The following ARAP3 variants were observed in gnomAD, a reference collection of about 807,000 sequenced individuals.
The protein encoded by ARAP3 is arf-GAP with Rho-GAP domain, ANK repeat and PH domain-containing protein 3.
Under a neutral mutation model 169.2 loss-of-function variants are expected in ARAP3, and 82 were observed. The ratio of observed to expected loss-of-function variants is 0.48; its 90% CI spans 0.41 to 0.58. ARAP3 has a LOEUF of 0.58. ARAP3 is among the 20% of genes least tolerant of loss of function. The pLI, the probability that ARAP3 is intolerant of heterozygous loss-of-function variation, is 0.00. For missense variants in ARAP3, 1,764 were observed against 2,018.0 expected (o/e 0.87, Z 2.41); for synonymous variants, 791 against 800.3 (o/e 0.99, Z 0.20).
Position 141,673,761 on chromosome 5 carries a change from C to G in ARAP3, c.746G>C (p.Ser249Thr). The G allele has an allele frequency of 3.1e-6, 5 of 1,614,190 alleles. No individual in the cohort carries two copies. Among genetic ancestry groups the G allele is most frequent in the Non-Finnish European group, 4.2e-6 (5 of 1,180,028 alleles). ...GGTGGAGTCTCCAGGTAGCTCAAGG[C>G]TGGCATAGCCAGCATCCTCCCGTGC... ...LEAREDAGYA[S>T]LELPGDSTLL... The change falls in exon 5 of 33, where the codon AGC (serine) becomes ACC (threonine). Residue 249 changes from serine (S) to threonine (T), a missense_variant. Around this residue, in one of 3 missense-constraint regions of ARAP3, gnomAD observed 630 missense variants for 678.7 expected, o/e 0.93. Transcript: ENST00000239440.
Position 141,671,298 on chromosome 5 carries a change from G to C in ARAP3, c.1957C>G (p.Pro653Ala), listed in dbSNP as rs1312999167. 1 of 1,613,278 alleles carries C rather than the reference G, an allele frequency of 6.2e-7. No homozygotes were observed. The highest frequency in any genetic ancestry group is 8.5e-7 in the Non-Finnish European group (1 of 1,179,618). ...EGEEPWFPPA[P>A]DGSCPGLLPS... ...AAGAGGCCAGGGCAGCTGCCATCAG[G>C]GGCTGGGGGGAACCAGGGCTCCTCG... is the stretch of plus-strand genomic sequence containing the variant. The change falls in exon 13 of 33, where the codon CCT becomes GCT. Residue 653 changes from proline (P) to alanine (A), a missense_variant. This residue lies in a region of ARAP3 where 1,112 missense variants were observed against 1,285.7 expected (regional missense o/e 0.86). Coordinates refer to ENST00000239440, the MANE Select transcript of ARAP3 (RefSeq NM_022481.6). The surrounding 1 kb of genome is among the most constrained non-coding windows in gnomAD (Gnocchi z 4.9).
intron 4 of ARAP3, 148 bp from the exon 5 acceptor site, chr5:141,673,956 C>CTTA: frequency 1.8e-6 from 1 of 541,046 alleles, no homozygotes; most frequent in Non-Finnish European, 3.0e-6. Context: ...CTTTTCTTTT[C>CTTA]TTCTTTTTTT....
intron 21 of ARAP3, 73 bp from the exon 22 acceptor site, chr5:141,659,999 T>G: frequency 6.7e-7 from 1 of 1,490,334 alleles, no homozygotes; most frequent in Non-Finnish European, 9.0e-7. Context: ...CCCTATTGTA[T>G]GCCTGGGCTA....
Position 141,654,366 on chromosome 5 carries a change from C to T in ARAP3, c.4219G>A (p.Val1407Met). ...ELEEPVYEEP[V>M]YEEVGAFPEL... The stretch of plus-strand genomic sequence containing the variant: ...GGGAAGGCCCCTACTTCCTCATACA[C>T]TGGCTCCTCGTACACAGGCTCCTCC... Residue 1407 changes from valine to methionine, a missense_variant, in exon 33 of 33, where the codon GTG (valine) becomes ATG (methionine). Val to Met is a conservative substitution (Grantham distance 21). This residue lies in a region of ARAP3 where 1,112 missense variants were observed against 1,285.7 expected (regional missense o/e 0.86). Transcript: ENST00000239440. 1 of 1,613,772 alleles carries T rather than the reference C, an allele frequency of 6.2e-7. No individual in the cohort carries two copies. Among genetic ancestry groups the T allele is most frequent in the Non-Finnish European group, 8.5e-7 (1 of 1,179,818 alleles).
At position 141,656,552 on chromosome 5, in the gene ARAP3, C is replaced by A. The variant is rs1489092222; in HGVS notation, c.3741G>T (p.Arg1247Ser). The A allele has an allele frequency of 1.9e-6, 3 of 1,612,900 alleles. No homozygotes were observed. Among genetic ancestry groups the A allele is most frequent in the Non-Finnish European group, 2.5e-6 (3 of 1,179,494 alleles). Residue 1247 changes from arginine (R) to serine (S), a missense_variant, in exon 27 of 33, where the codon AGG becomes AGT. By Grantham distance (110) the Arg-to-Ser change is moderately radical. Coordinates refer to ENST00000239440, the MANE Select transcript of ARAP3 (RefSeq NM_022481.6). ...PRLLGSRFQE[R>S]FFLLRGRCLL... The stretch of plus-strand genomic sequence containing the variant: ...GGCAGCGGCCACGCAGCAGAAAGAA[C>A]CTCTCCTGGAAGCGGCTTCCCAGCA...
chr5:141,655,251 CACACACA>C, intron 32 of ARAP3, 104 bp downstream of exon 32: 46 of 1,173,912 alleles, frequency 3.9e-5, no homozygotes, highest in Non-Finnish European at 4.4e-5. Context: ...CACACACACA[CACACACA>C]CCCCCTGATG....
rs1007946274 is a variant in ARAP3 at position 141,669,784 on chromosome 5, G to A, written c.2277C>T (p.Leu759=). 5.6e-6 allele frequency: 9 copies of A among 1,614,132 alleles called. No individual in the cohort carries two copies. Among genetic ancestry groups the A allele is most frequent in the Admixed American group, 5.0e-5 (3 of 60,028 alleles). The change falls in exon 16 of 33, where the codon CTC becomes CTT. Residue 759 remains leucine, a synonymous_variant. Coordinates refer to ENST00000239440, the MANE Select transcript of ARAP3 (RefSeq NM_022481.6). The stretch of plus-strand genomic sequence containing the variant: ...CAAAATGCTGGATCCTCCCCCCAGC[G>A]AGGATGAGCTCAAAGGAAAAGGGGA... ...DRFPFSFELI[L]AGGRIQHFGT... is the part of the protein sequence containing the mutation.
Position 141,656,842 on chromosome 5 carries a change from C to G in ARAP3, c.3531G>C (p.Arg1177=). The change falls in exon 26 of 33, where the codon CGG becomes CGC. Residue 1177 remains arginine (R), a synonymous_variant. Transcript: ENST00000239440. ...FEIREHGELE[R]PLHPKEKVLE... The stretch of plus-strand genomic sequence containing the variant: ...AGACCTTTTCCTTGGGATGCAGTGG[C>G]CGCTCTTAAGGGGAAAGGTGAGGGT... The G allele has an allele frequency of 6.2e-7, 1 of 1,612,922 alleles. No individual in the cohort carries two copies. Among genetic ancestry groups the G allele is most frequent in the Non-Finnish European group, 8.5e-7 (1 of 1,179,472 alleles).
rs1172784299 is a variant in ARAP3, at chr5:141,672,603, C to T, written c.1334G>A (p.Arg445Gln). 7 of 1,613,938 alleles carry T rather than the reference C, an allele frequency of 4.3e-6. No homozygotes were observed. Among genetic ancestry groups the T allele is most frequent in the East Asian group, 4.5e-5 (2 of 44,862 alleles). The change falls in exon 9 of 33, where the codon CGG becomes CAG. Residue 445 changes from arginine to glutamine, a missense_variant. This residue lies in a region of ARAP3 where 630 missense variants were observed against 678.7 expected (regional missense o/e 0.93). Transcript: ENST00000239440. The surrounding 1 kb of genome is among the most constrained non-coding windows in gnomAD (Gnocchi z 4.9). ...GTCAAAGCTTCGACTCTTGGTCTCCCGGACGCTGCAGCCCTGCAGTTCGAT... is the reference window on the plus strand; with the variant it reads ...GTCAAAGCTTCGACTCTTGGTCTCCTGGACGCTGCAGCCCTGCAGTTCGAT... ...CFIELQGCSV[R>Q]ETKSRSFDLL...
At position 141,679,992 on chromosome 5, in the gene ARAP3, T is replaced by C. The variant is rs1319978037; in HGVS notation, c.495A>G (p.Ser165=). ...MPNSIYFGLD[S]RGRAQAAQDK... ...CCTGAGCTGCCTGTGCCCTGCCTCTTGAGTCCAGGCCGAAGTAGATGGAAT... is the reference window on the plus strand; with the variant it reads ...CCTGAGCTGCCTGTGCCCTGCCTCTCGAGTCCAGGCCGAAGTAGATGGAAT... Residue 165 remains serine (S), a synonymous_variant, in exon 2 of 33, where the codon TCA becomes TCG. Coordinates refer to ENST00000239440, the MANE Select transcript of ARAP3 (RefSeq NM_022481.6). 1.2e-6 allele frequency: 2 copies of C among 1,614,188 alleles called. No individual in the cohort carries two copies. Among genetic ancestry groups the C allele is most frequent in the South Asian group, 2.2e-5 (2 of 91,088 alleles).
chr5:141,673,640 C>T lies in ARAP3; in HGVS notation c.867G>A (p.Leu289=), dbSNP rs2099911749. ...FSFTADRLTP[L]LSGWLDKLSP... Reference sequence around the variant, plus strand: ...AGAGCTTGTCTAGCCAGCCACTGAGCAGGGGCGTGAGGCGGTCTGCCGTGA... The same window carrying T: ...AGAGCTTGTCTAGCCAGCCACTGAGTAGGGGCGTGAGGCGGTCTGCCGTGA... Residue 289 remains leucine, a synonymous_variant, in exon 5 of 33, where the codon CTG becomes CTA. Coordinates refer to ENST00000239440, the MANE Select transcript of ARAP3 (RefSeq NM_022481.6). 1 of 1,614,170 alleles carries T rather than the reference C, an allele frequency of 6.2e-7. No individual in the cohort carries two copies. Among genetic ancestry groups the T allele is most frequent in the Non-Finnish European group, 8.5e-7 (1 of 1,180,010 alleles).
Position 141,671,328 on chromosome 5 carries a change from C to G in ARAP3, c.1927G>C (p.Glu643Gln), listed in dbSNP as rs2099911415. ...MTQLLCVEAF[E>Q]GEEPWFPPAP... ...GGGGGGAACCAGGGCTCCTCGCCTTCAAAGGCCTCAACACAGAGGAGCTGG... is the reference window on the plus strand; with the variant it reads ...GGGGGGAACCAGGGCTCCTCGCCTTGAAAGGCCTCAACACAGAGGAGCTGG... The change falls in exon 13 of 33, where the codon GAA becomes CAA. Residue 643 changes from glutamate (E) to glutamine (Q), a missense_variant. Physicochemically the swap from Glu to Gln is conservative, Grantham distance 29. This residue lies in a region of ARAP3 where 1,112 missense variants were observed against 1,285.7 expected (regional missense o/e 0.86). Coordinates refer to ENST00000239440, the MANE Select transcript of ARAP3 (RefSeq NM_022481.6). This position sits in a 1 kb window ranked among gnomAD's most constrained non-coding sequence, Gnocchi z 4.9. 1.2e-6 allele frequency: 2 copies of G among 1,613,638 alleles called. No individual in the cohort carries two copies. The highest frequency in any genetic ancestry group is 1.7e-5 in the Admixed American group (1 of 59,924).
rs377133701 is a variant in ARAP3 at position 141,672,109 on chromosome 5, C to G, written c.1578G>C (p.Gln526His). 1.2e-5 allele frequency: 20 copies of G among 1,614,210 alleles called. No individual in the cohort carries two copies. In the East Asian group the frequency reaches 1.8e-4, roughly 14 times the overall value. Residue 526 changes from glutamine to histidine, a missense_variant, in exon 10 of 33, where the codon CAG (glutamine) becomes CAC (histidine). Gln to His is a conservative substitution (Grantham distance 24). This residue lies in a region of ARAP3 where 22 missense variants were observed against 53.6 expected (regional missense o/e 0.41). Transcript: ENST00000239440. The surrounding 1 kb of genome is among the most constrained non-coding windows in gnomAD (Gnocchi z 4.9). ...AVNLGVVICK[Q>H]CAGQHRALGS... ...CTTGAGGCCATTCCTCACCTGCACA[C>G]TGCTTGCAGATGACCACCCCCAAAT...
Position 141,680,349 on chromosome 5 carries a change from C to A in ARAP3, c.138G>T (p.Gln46His), listed in dbSNP as rs1409122287. The change falls in exon 2 of 33, where the codon CAG (glutamine) becomes CAT (histidine). Residue 46 changes from glutamine to histidine, a missense_variant. By Grantham distance (24) the Gln-to-His change is conservative. Transcript: ENST00000239440. ...GGTGCCCTGTGGCGCTGATGCCCAA[C>A]TGCTTCAACTCCTCGTGGCCCAGGC... ...ARGLGHEELK[Q>H]LGISATGHRK... 1 of 1,614,234 alleles carries A rather than the reference C, an allele frequency of 6.2e-7. No homozygotes were observed.
Position 141,656,581 on chromosome 5 carries a change from G to A in ARAP3, c.3712C>T (p.Arg1238Cys), listed in dbSNP as rs2099909300. 2.5e-6 allele frequency: 4 copies of A among 1,612,916 alleles called. No homozygotes were observed. Among genetic ancestry groups the A allele is most frequent in the Admixed American group, 1.7e-5 (1 of 59,830 alleles). The part of the protein sequence containing the change: ...GLLRCREEPP[R>C]LLGSRFQERF... ...TCCTGGAAGCGGCTTCCCAGCAAGCGAGGTGGCTCCTCACGACACCGCAAC... is the reference window on the plus strand; with the variant it reads ...TCCTGGAAGCGGCTTCCCAGCAAGCAAGGTGGCTCCTCACGACACCGCAAC... The change falls in exon 27 of 33, where the codon CGC becomes TGC. Residue 1238 changes from arginine to cysteine, a missense_variant. Around this residue, in one of 3 missense-constraint regions of ARAP3, gnomAD observed 1,112 missense variants for 1,285.7 expected, o/e 0.86. Coordinates refer to ENST00000239440, the MANE Select transcript of ARAP3 (RefSeq NM_022481.6).
intron 19 of ARAP3, 114 bp downstream of exon 19, chr5:141,664,808 A>C: frequency 3.4e-5 from 44 of 1,281,648 alleles, no homozygotes; most frequent in East Asian, 2.8e-5. Flanking sequence ...TTCTGGAGGC[A>C]AAGCTCTTCC....
chr5:141,659,836 C>A lies in ARAP3; in HGVS notation c.3210G>T (p.Gly1070=). ...APSVFQTDGR[G]EHEVRVLQEL... Reference sequence around the variant, plus strand: ...CTTGCAGCACTCGCACCTCGTGCTCCCCTCGCCCATCCGTCTGGAACACGC... The same window carrying A: ...CTTGCAGCACTCGCACCTCGTGCTCACCTCGCCCATCCGTCTGGAACACGC... Residue 1070 remains glycine (G), a synonymous_variant, in exon 22 of 33, where the codon GGG becomes GGT. Coordinates refer to ENST00000239440, the MANE Select transcript of ARAP3 (RefSeq NM_022481.6). 1 of 1,610,342 alleles carries A rather than the reference C, an allele frequency of 6.2e-7. No individual in the cohort carries two copies. The highest frequency in any genetic ancestry group is 8.5e-7 in the Non-Finnish European group (1 of 1,178,776).
chr5:141,662,102 C>T lies in ARAP3; in HGVS notation c.2954G>A (p.Arg985His), dbSNP rs757071316. Reference protein sequence around the residue: ...DVTDTLKRFFRELDDPVTSAR... With the variant: ...DVTDTLKRFFHELDDPVTSAR... ...AGAGGTCACAGGGTCATCGAGCTCA[C>T]GAAAGAAGCGTTTGAGTGTGTCAGT... is the stretch of plus-strand genomic sequence containing the variant. Residue 985 changes from arginine to histidine, a missense_variant, in exon 20 of 33, where the codon CGT becomes CAT. This residue lies in a region of ARAP3 where 1,112 missense variants were observed against 1,285.7 expected (regional missense o/e 0.86). Coordinates refer to ENST00000239440, the MANE Select transcript of ARAP3 (RefSeq NM_022481.6). 17 of 1,614,176 alleles carry T rather than the reference C, an allele frequency of 1.1e-5. No homozygotes were observed. Among genetic ancestry groups the T allele is most frequent in the South Asian group, 2.2e-5 (2 of 91,084 alleles).
chr5:141,676,176 C>T (rs377340487), intron 4 of ARAP3, among the ~76,000 whole-genome samples: 74 of 152,220 alleles, frequency 4.9e-4, no homozygotes, highest in African/African-American at 1.7e-3. Flanking sequence ...GGTGAAACCC[C>T]GTCTCTACTA....
Sources: gnomAD v4.1 joint callset for allele counts (sites outside exome capture counted in the v4.1 genomes callset) on GRCh38, gnomAD v4.1.1 for gene constraint, gnomAD v4.1.1 regional missense constraint, Gnocchi (gnomAD v3.1) non-coding constraint, MANE v1.5 for transcripts, NCBI Gene and HGNC (gene_info 2026-07-23, HGNC 2026-07-21) for gene names.